MARCHF1: variants seen among roughly 807,000 people sequenced by gnomAD.
The protein encoded by MARCHF1 is membrane associated ring-CH-type finger 1.
A neutral mutation model predicts 54.2 loss-of-function variants in MARCHF1; 40 were observed. That is an observed-to-expected ratio of 0.74 (90% CI 0.57 to 0.96). The LOEUF (loss-of-function observed/expected upper bound fraction) is 0.96. MARCHF1 is among the 40% of genes least tolerant of loss of function. The pLI is 0.00. For missense variants in MARCHF1, 586 were observed against 656.5 expected, an observed-to-expected ratio of 0.89 and a Z score of 1.17; for synonymous variants, 236 against 236.3, an observed-to-expected ratio of 1.00 and a Z score of 0.01.
intron 4 of MARCHF1, among the ~76,000 whole-genome samples, chr4:163,782,399 G>A (rs1216180713): frequency 6.6e-6 from 1 of 152,118 alleles, no homozygotes; most frequent in Non-Finnish European, 1.5e-5. Flanking sequence ...GGCCGGGTGT[G>A]GTGGCTCATG....
intron 3 of MARCHF1, among the ~76,000 whole-genome samples, chr4:163,865,130 T>C (rs139312151): frequency 6.6e-6 from 1 of 152,098 alleles, no homozygotes; most frequent in Non-Finnish European, 1.5e-5. Context: ...TGTTTTGCTA[T>C]GTGTATCAGA....
At chr4:163,724,002 C>T (rs570403250) in intron 4 of MARCHF1, among the ~76,000 whole-genome samples, 2 of 152,278 alleles carry the variant, frequency 1.3e-5, no homozygotes, top group African/African-American at 4.8e-5. Flanking sequence ...GTTTGATCGT[C>T]TGAAGCCTTC....
At chr4:164,127,404 T>C (rs1756207725) in intron 1 of MARCHF1, among the ~76,000 whole-genome samples, 1 of 152,186 alleles carries the variant, frequency 6.6e-6, no homozygotes, top group South Asian at 2.1e-4. Context: ...AACACAATGG[T>C]GCTCACTATG....
intron 1 of MARCHF1, among the ~76,000 whole-genome samples, chr4:164,335,635 C>G (rs925981825): frequency 2.0e-5 from 3 of 151,624 alleles, no homozygotes; most frequent in Non-Finnish European, 2.9e-5. Context: ...TTTCAGCAAC[C>G]AACACCCTGA....
intron 4 of MARCHF1, among the ~76,000 whole-genome samples, chr4:163,728,443 A>G (rs2111317085): frequency 6.6e-6 from 1 of 152,320 alleles, no homozygotes; most frequent in South Asian, 2.1e-4. Context: ...AACATGGAAT[A>G]TCTCTCTAGT....
At chr4:164,158,802 C>T (rs755535912) in intron 1 of MARCHF1, among the ~76,000 whole-genome samples, 5 of 152,046 alleles carry the variant, frequency 3.3e-5, no homozygotes, top group East Asian at 1.9e-4. Context: ...AACTATGCTC[C>T]GCCAAAAATG....
At chr4:163,814,653 C>G (rs1345429202) in intron 4 of MARCHF1, among the ~76,000 whole-genome samples, 1 of 152,168 alleles carries the variant, frequency 6.6e-6, no homozygotes, top group African/African-American at 2.4e-5. Flanking sequence ...CTTTGCCACA[C>G]AATGCAACAG....
chr4:164,135,565 C>T (rs1756383156), intron 1 of MARCHF1: 1 of 152,100 alleles, frequency 6.6e-6, no homozygotes, highest in Admixed American at 6.5e-5. Flanking sequence ...ACAAAACCAC[C>T]AGATCTCGTG....
chr4:163,948,491 T>G (rs2059153598), intron 3 of MARCHF1, among the ~76,000 whole-genome samples: 1 of 152,208 alleles, frequency 6.6e-6, no homozygotes, highest in African/African-American at 2.4e-5. Flanking sequence ...TTAAAAAAAG[T>G]AGTATGTGAT....
chr4:163,975,299 G>A (rs1184774759), intron 3 of MARCHF1, among the ~76,000 whole-genome samples: 2 of 150,760 alleles, frequency 1.3e-5, no homozygotes. Flanking sequence ...ATTATCAAAG[G>A]CTTAACAAAG....
chr4:163,875,719 C>T (rs760551260), intron 3 of MARCHF1, among the ~76,000 whole-genome samples: 1 of 152,120 alleles, frequency 6.6e-6, no homozygotes, highest in African/African-American at 2.4e-5. Context: ...CTGCCTAATT[C>T]GTATTTTGCA....
chr4:163,710,848 A>G (rs1224884333), intron 4 of MARCHF1, among the ~76,000 whole-genome samples: 1 of 152,174 alleles, frequency 6.6e-6, no homozygotes, highest in Non-Finnish European at 1.5e-5. Context: ...TTTTACTTCA[A>G]TTGCTTGTAT....
rs773169120 is a variant in MARCHF1 at position 164,197,704 on chromosome 4, A to T, written c.-322-86042T>A. On this transcript the variant is annotated intron_variant, in intron 1 of 9. Coordinates refer to ENST00000514618, the MANE Select transcript of MARCHF1 (RefSeq NM_001394959.1). ...CAGCTCTGAATGAATCCGTCTGCCC[A>T]TCTCCATCTCTCGCGCTCTCTGTCT... 8.7e-6 allele frequency: 14 copies of T among 1,611,970 alleles called. No homozygotes were observed. The Admixed American group carries it at 2.0e-4, about 23-fold the overall frequency.
chr4:163,916,161 T>C (rs1007708092), intron 3 of MARCHF1, among the ~76,000 whole-genome samples: 4 of 152,130 alleles, frequency 2.6e-5, no homozygotes, highest in African/African-American at 9.6e-5. Context: ...GAAAAATGTA[T>C]GGAATGGTAC....
At chr4:163,646,598 TA>T (rs150131252) in intron 5 of MARCHF1, among the ~76,000 whole-genome samples, 2,671 of 152,130 alleles carry the variant, frequency 0.018, 54 homozygotes, top group African/African-American at 0.056. Flanking sequence ...ATACACAATA[TA>T]AAAATATGTA....
At chr4:164,122,024 C>T (rs1756077514) in intron 1 of MARCHF1, among the ~76,000 whole-genome samples, 1 of 152,080 alleles carries the variant, frequency 6.6e-6, no homozygotes, top group African/African-American at 2.4e-5. Context: ...CCCAGGGATG[C>T]AAGTATGGTT....
intron 4 of MARCHF1, among the ~76,000 whole-genome samples, chr4:163,837,868 T>G (rs1176976277): frequency 6.6e-6 from 1 of 152,100 alleles, no homozygotes; most frequent in Non-Finnish European, 1.5e-5. Flanking sequence ...CAAGTACACA[T>G]GGAAAATTTA....
chr4:164,333,503 T>G (rs1359854329), intron 1 of MARCHF1, among the ~76,000 whole-genome samples: 1 of 152,192 alleles, frequency 6.6e-6, no homozygotes, highest in Non-Finnish European at 1.5e-5. Flanking sequence ...AAATTTTTGA[T>G]GTAATAATTG....
At chr4:164,169,477 A>G (rs1479623374) in intron 1 of MARCHF1, among the ~76,000 whole-genome samples, 2 of 152,054 alleles carry the variant, frequency 1.3e-5, no homozygotes. Flanking sequence ...AAGTTATCCA[A>G]AAAATCTTAC....
Sources: gnomAD v4.1 joint callset for allele counts (sites outside exome capture counted in the v4.1 genomes callset) on GRCh38, gnomAD v4.1.1 for gene constraint, MANE v1.5 for transcripts, NCBI Gene and HGNC (gene_info 2026-07-23, HGNC 2026-07-21) for gene names.